Variants in DSP observed in about 807,000 individuals in gnomAD.
The protein encoded by DSP is 250/210 kDa paraneoplastic pemphigus antigen.
In DSP, 114 loss-of-function variants were observed where a neutral mutation model predicts 290.6. The observed-to-expected ratio is 0.39, with a 90% CI of 0.34 to 0.46. The LOEUF (loss-of-function observed/expected upper bound fraction) is 0.46, where lower values mean the gene tolerates loss of function less well. Among genes scored for constraint, DSP ranks in the 20% least tolerant of loss-of-function variants. The probability of loss-of-function intolerance (pLI) is 0.99; values close to 1 mark genes in which losing one functional copy is unlikely to be tolerated. For missense variants in DSP, 3,230 were observed against 3,495.8 expected, an observed-to-expected ratio of 0.92 and a Z score of 1.92; for synonymous variants, 1,311 against 1,316.4, an observed-to-expected ratio of 1.00 and a Z score of 0.09.
At chr6:7,550,540 CT>C (rs1260249302) in intron 1 of DSP, among the ~76,000 whole-genome samples, 1 of 151,770 alleles carries the variant, frequency 6.6e-6, no homozygotes, top group Non-Finnish European at 1.5e-5. Flanking sequence ...GAATCCAGAA[CT>C]TGTTTTCTTT....
chr6:7,584,296 G>C lies in DSP; in HGVS notation c.7034G>C (p.Gly2345Ala). Residue 2345 changes from glycine (G) to alanine (A), a missense_variant, in exon 24 of 24, where the codon GGA (glycine) becomes GCA (alanine). Coordinates refer to ENST00000379802, the MANE Select transcript of DSP (RefSeq NM_004415.4). This position sits in a 1 kb window ranked among gnomAD's most constrained non-coding sequence, Gnocchi z 6.4. ...AVTGYNDPET[G>A]NIISLFQAMN... ...ACTGGGTATAATGATCCTGAAACAG[G>C]AAACATCATCTCTTTGTTCCAAGCC... 6.2e-7 allele frequency: 1 copy of C among 1,614,136 alleles called. No individual in the cohort carries two copies. The highest frequency in any genetic ancestry group is 8.5e-7 in the Non-Finnish European group (1 of 1,180,036).
chr6:7,568,551 A>G lies in DSP; in HGVS notation c.1381A>G (p.Ile461Val). 20 of 1,614,086 alleles carry G rather than the reference A, an allele frequency of 1.2e-5. No homozygotes were observed. The highest frequency in any genetic ancestry group is 1.7e-5 in the Non-Finnish European group (20 of 1,180,030). Residue 461 changes from isoleucine to valine, a missense_variant, in exon 11 of 24, where the codon ATT becomes GTT. Physicochemically the swap from Ile to Val is conservative, Grantham distance 29 (BLOSUM62 3). Coordinates refer to ENST00000379802, the MANE Select transcript of DSP (RefSeq NM_004415.4). ...RNPDYRSNKPIILRALCDYKQ... is the reference protein window; with the variant it reads ...RNPDYRSNKPVILRALCDYKQ... The stretch of plus-strand genomic sequence containing the variant: ...CCCAGACTACAGAAGCAATAAACCC[A>G]TTATTCTCAGAGCTCTCTGTGACTA...
Position 7,579,983 on chromosome 6 carries a change from G to A in DSP, c.3793G>A (p.Glu1265Lys). The A allele has an allele frequency of 2.5e-6, 4 of 1,614,150 alleles. No homozygotes were observed. Among genetic ancestry groups the A allele is most frequent in the Non-Finnish European group, 3.4e-6 (4 of 1,180,032 alleles). ...CAATGACAGCATCTTGCAGGCCACT[G>A]AGCAGCGAAGGCGAGCTGAAGAAAA... ...RLNDSILQAT[E>K]QRRRAEENAL... The change falls in exon 23 of 24, where the codon GAG (glutamate) becomes AAG (lysine). Residue 1265 changes from glutamate (E) to lysine (K), a missense_variant. Physicochemically the swap from Glu to Lys is moderately conservative, Grantham distance 56. This residue lies in a region of DSP where 1,714 missense variants were observed against 1,844.5 expected (regional missense o/e 0.93). Coordinates refer to ENST00000379802, the MANE Select transcript of DSP (RefSeq NM_004415.4). This position sits in a 1 kb window ranked among gnomAD's most constrained non-coding sequence, Gnocchi z 4.1.
intron 16 of DSP, 132 bp from the exon 17 acceptor site, chr6:7,574,525 G>A: frequency 7.3e-7 from 1 of 1,367,678 alleles, no homozygotes; most frequent in South Asian, 1.2e-5. Flanking sequence ...AATCACAATA[G>A]ACCAAAAAAC....
intron 11 of DSP, among the ~76,000 whole-genome samples, 181 bp downstream of exon 11, chr6:7,568,770 T>G (rs1003366817): frequency 9.2e-5 from 14 of 152,268 alleles, no homozygotes; most frequent in Non-Finnish European, 5.9e-5. Context: ...ATGGTAGTTG[T>G]CAATAACAAG....
intron 11 of DSP, among the ~76,000 whole-genome samples, chr6:7,568,982 C>T (rs930315209): frequency 6.6e-6 from 1 of 152,148 alleles, no homozygotes; most frequent in African/African-American, 2.4e-5. Context: ...AAATGTAGCT[C>T]ACTTCATGTA....
In DSP at chr6:7,584,594, G is replaced by T. The variant is rs1330371919; in HGVS notation, c.7332G>T (p.Leu2444=). Residue 2444 remains leucine (L), a synonymous_variant, in exon 24 of 24, where the codon CTG becomes CTT. Coordinates refer to ENST00000379802, the MANE Select transcript of DSP (RefSeq NM_004415.4). The surrounding 1 kb of genome is among the most constrained non-coding windows in gnomAD (Gnocchi z 6.4). ...ATGAGGAAACAGGGCTCTGTCTTCT[G>T]CCTCTGAAAGAAAAGAAGAAACAGG... ...IKDEETGLCL[L]PLKEKKKQVQ... is the part of the protein sequence containing the mutation. 9 of 1,613,814 alleles carry T rather than the reference G, an allele frequency of 5.6e-6. No individual in the cohort carries two copies. The highest frequency in any genetic ancestry group is 3.3e-5 in the Admixed American group (2 of 60,002).
intron 22 of DSP, 67 bp downstream of exon 22, chr6:7,578,629 C>T: frequency 8.2e-7 from 1 of 1,213,000 alleles, no homozygotes; most frequent in Admixed American, 1.7e-5. Flanking sequence ...TTATTACTTC[C>T]ACATTATAAC....
At chr6:7,556,379 A>G (rs1758506712) in intron 2 of DSP, among the ~76,000 whole-genome samples, 1 of 152,228 alleles carries the variant, frequency 6.6e-6, no homozygotes, top group African/African-American at 2.4e-5. Flanking sequence ...CAGATTAGAA[A>G]TCATGGAGTT....
At chr6:7,568,076 GC>G (rs541283025) in intron 10 of DSP, among the ~76,000 whole-genome samples, 170 bp downstream of exon 10, 164 of 152,218 alleles carry the variant, frequency 1.1e-3, no homozygotes, top group African/African-American at 3.8e-3. Context: ...TTCTTTACAT[GC>G]CCAACTACTC....
chr6:7,555,273 T>C (rs1285993000), intron 1 of DSP, among the ~76,000 whole-genome samples: 1 of 152,224 alleles, frequency 6.6e-6, no homozygotes, highest in Non-Finnish European at 1.5e-5. Flanking sequence ...ACAAGTTCTA[T>C]AAATTAGAAA....
chr6:7,579,700 G>A lies in DSP; in HGVS notation c.3510G>A (p.Glu1170=), dbSNP rs28763964. The change falls in exon 23 of 24, where the codon GAG becomes GAA. Residue 1170 remains glutamate (E), a synonymous_variant. Transcript: ENST00000379802. The surrounding 1 kb of genome is among the most constrained non-coding windows in gnomAD (Gnocchi z 4.1). Reference sequence around the variant, plus strand: ...AAGCCATCAAGGAGAAGGAGTACGAGATTGAAAGGTTGAGGGTTCTACTGC... The same window carrying A: ...AAGCCATCAAGGAGAAGGAGTACGAAATTGAAAGGTTGAGGGTTCTACTGC... ...SEKAIKEKEY[E]IERLRVLLQE... 1.8e-3 allele frequency: 2,828 copies of A among 1,613,794 alleles called. 40 individuals carry two copies. The African/African-American group carries it at 0.033, about 19-fold the overall frequency.
At position 7,579,814 on chromosome 6, in the gene DSP, C is replaced by A; in HGVS notation, c.3624C>A (p.Asn1208Lys). The A allele has an allele frequency of 6.2e-7, 1 of 1,614,004 alleles. No individual in the cohort carries two copies. Residue 1208 changes from asparagine to lysine, a missense_variant, in exon 23 of 24, where the codon AAC becomes AAA. Physicochemically the swap from Asn to Lys is moderately conservative, Grantham distance 94. Around this residue, in one of 5 missense-constraint regions of DSP, gnomAD observed 1,714 missense variants for 1,844.5 expected, o/e 0.93. Coordinates refer to ENST00000379802, the MANE Select transcript of DSP (RefSeq NM_004415.4). This position sits in a 1 kb window ranked among gnomAD's most constrained non-coding sequence, Gnocchi z 4.1. ...ATGAGGAGATGAGTAATTTAAGGAA[C>A]AAGTATGAAACAGAGATTAACATTA... is the stretch of plus-strand genomic sequence containing the variant. ...HYNEEMSNLR[N>K]KYETEINITK...
chr6:7,583,922 T>C lies in DSP; in HGVS notation c.6660T>C (p.Thr2220=). 6.2e-7 allele frequency: 1 copy of C among 1,614,168 alleles called. No homozygotes were observed. Among genetic ancestry groups the C allele is most frequent in the Non-Finnish European group, 8.5e-7 (1 of 1,180,038 alleles). ...GAATCAGACAACCTGTGACCGTCAC[T>C]GAGCTAGTAGATTCTGGTATATTGA... ...FQGIRQPVTV[T]ELVDSGILRP... Residue 2220 remains threonine, a synonymous_variant, in exon 24 of 24, where the codon ACT becomes ACC. Transcript: ENST00000379802. This position sits in a 1 kb window ranked among gnomAD's most constrained non-coding sequence, Gnocchi z 4.0.
intron 20 of DSP, 106 bp downstream of exon 20, chr6:7,577,148 A>G (rs1243260221): frequency 4.8e-6 from 4 of 840,464 alleles, no homozygotes; most frequent in Non-Finnish European, 7.4e-6. Flanking sequence ...GATAGCAATT[A>G]CGGTCTGTAT....
Position 7,541,943 on chromosome 6 carries a change from C to G in DSP, c.28C>G (p.Arg10Gly). The change falls in exon 1 of 24, where the codon CGG (arginine) becomes GGG (glycine). Residue 10 changes from arginine to glycine, a missense_variant. Transcript: ENST00000379802. ...GAGCTGCAACGGAGGCTCCCACCCG[C>G]GGATCAACACTCTGGGCCGCATGAT... is the stretch of plus-strand genomic sequence containing the variant. The part of the protein sequence containing the change: MSCNGGSHP[R>G]INTLGRMIRA... 1 of 1,607,502 alleles carries G rather than the reference C, an allele frequency of 6.2e-7. No homozygotes were observed. The highest frequency in any genetic ancestry group is 1.1e-5 in the South Asian group (1 of 90,378).
chr6:7,557,703 AAAAG>A (rs1485879428), intron 2 of DSP, among the ~76,000 whole-genome samples: 1 of 152,176 alleles, frequency 6.6e-6, no homozygotes, highest in Non-Finnish European at 1.5e-5. Context: ...TAAAAATAAA[AAAAG>A]AACTAAAACA....
intron 16 of DSP, 61 bp from the exon 17 acceptor site, chr6:7,574,596 C>T: frequency 6.2e-7 from 1 of 1,608,554 alleles, no homozygotes. Context: ...CTGTGAGAGG[C>T]AAATCTTCAC....
chr6:7,552,230 G>A (rs1758361020), intron 1 of DSP, among the ~76,000 whole-genome samples: 1 of 152,072 alleles, frequency 6.6e-6, no homozygotes, highest in South Asian at 2.1e-4. Flanking sequence ...CTAAGATGCT[G>A]TGCAAAACAT....
Sources: allele counts gnomAD v4.1 joint callset (sites outside exome capture counted in the v4.1 genomes callset), GRCh38; gene constraint gnomAD v4.1.1; regional missense constraint gnomAD v4.1.1; non-coding constraint Gnocchi (gnomAD v3.1); transcripts MANE v1.5; gene names NCBI Gene and HGNC (gene_info 2026-07-23, HGNC 2026-07-21).